REPS2: variants seen among roughly 807,000 people sequenced by gnomAD.
The protein encoded by REPS2 is RALBP1 associated Eps domain containing 2, also known as ralBP1-associated Eps domain-containing protein 2.
In REPS2, 23 loss-of-function variants were observed where a neutral mutation model predicts 53.6. The observed-to-expected ratio is 0.43, with a 90% CI of 0.31 to 0.61. The LOEUF is 0.61. REPS2 is among the 20% of genes least tolerant of loss of function. The pLI, the probability that REPS2 is intolerant of heterozygous loss-of-function variation, is 0.11. For synonymous variants in REPS2, 238 were observed against 218.6 expected (o/e 1.09, Z -0.78); for missense variants, 446 against 534.9 (o/e 0.83, Z 1.64).
At chrX:17,011,277 T>C (rs1419574780) in intron 2 of REPS2, among the ~76,000 whole-genome samples, 1 of 111,746 alleles carries the variant, frequency 8.9e-6, no homozygotes, top group African/African-American at 3.3e-5. Context: ...GAGTTGGGGT[T>C]AAACAGATGG....
chrX:16,978,328 G>A (rs924251915), intron 1 of REPS2, among the ~76,000 whole-genome samples: 6 of 111,398 alleles, frequency 5.4e-5, no homozygotes, highest in East Asian at 2.8e-4. Flanking sequence ...ATACTTTCCC[G>A]GCCATCTGGC....
chrX:17,030,795 G>T (rs1430429542), intron 5 of REPS2, among the ~76,000 whole-genome samples: 6 of 112,272 alleles, frequency 5.3e-5, no homozygotes, highest in Non-Finnish European at 1.1e-4. Flanking sequence ...TAACTAGTCA[G>T]TGACAGAGCC....
At chrX:17,083,093 T>C (rs2062479430) in intron 13 of REPS2, among the ~76,000 whole-genome samples, 1 of 98,803 alleles carries the variant, frequency 1.0e-5, no homozygotes, top group South Asian at 5.2e-4. Context: ...TTTTTTTTTT[T>C]TTTTTTTGAG....
intron 7 of REPS2, among the ~76,000 whole-genome samples, chrX:17,053,930 T>C (rs1158878860): frequency 8.9e-6 from 1 of 112,171 alleles, no homozygotes; most frequent in Non-Finnish European, 1.9e-5. Context: ...ACCTTAGAAA[T>C]ATATTTTCTT....
chrX:17,059,033 C>T lies in REPS2; in HGVS notation c.1115-3405C>T, dbSNP rs750070094. On this transcript the variant is annotated intron_variant, in intron 8 of 17. Transcript: ENST00000357277. Reference sequence around the variant, plus strand: ...TCTTTCTTTTTTTTTTTTTTTGAGACGGAGTCTTGCTCTGTTGCCCAGGCT... The same window carrying T: ...TCTTTCTTTTTTTTTTTTTTTGAGATGGAGTCTTGCTCTGTTGCCCAGGCT... Among the ~76,000 whole-genome samples the T allele has an allele frequency of 1.5e-4, 14 of 92,343 alleles. No individual in the cohort carries two copies. The East Asian group carries it at 3.4e-3, about 22-fold the overall frequency. 80.2% of individuals were successfully genotyped at this position (92,343 alleles called of 115,157 possible).
At chrX:17,131,866 C>T (rs1419037595) in intron 14 of REPS2, among the ~76,000 whole-genome samples, 2 of 108,937 alleles carry the variant, frequency 1.8e-5, no homozygotes, top group African/African-American at 6.7e-5. Context: ...CGACCACAGT[C>T]CCCCTTCCTT....
At chrX:17,131,778 A>G (rs1487543676) in intron 14 of REPS2, among the ~76,000 whole-genome samples, 2 of 110,664 alleles carry the variant, frequency 1.8e-5, no homozygotes, top group Non-Finnish European at 3.8e-5. Context: ...TGCTTTGGGG[A>G]CATTCCTTGC....
chrX:17,135,116 G>T, intron 15 of REPS2, 145 bp from the exon 16 acceptor site: 1 of 522,695 alleles, frequency 1.9e-6, no homozygotes, highest in Non-Finnish European at 3.1e-6. Flanking sequence ...TGTCCCCCCA[G>T]TTCTTGCTGA....
At position 17,149,008 on chromosome X, in the gene REPS2, G is replaced by A. The variant is rs1053834223; in HGVS notation, c.*1527G>A. ...AGTCCATTGGCAAGCTTTATCAATA[G>A]CTTAATGGCAGAGGATAAAGGCTCA... On this transcript the variant is annotated 3_prime_UTR_variant, in exon 18 of 18. Coordinates refer to ENST00000357277, the MANE Select transcript of REPS2 (RefSeq NM_004726.3). 3 of 372,385 alleles carry A rather than the reference G, an allele frequency of 8.1e-6. No homozygotes were observed. Among genetic ancestry groups the A allele is most frequent in the Non-Finnish European group, 1.6e-5 (3 of 191,926 alleles). 30.7% of individuals were successfully genotyped at this position (372,385 alleles called of 1,213,427 possible). A position where few individuals can be genotyped will look rare whatever the true frequency, so the allele number is the denominator to read the frequency against.
Position 17,149,133 on chromosome X carries a change from A to G in REPS2, c.*1652A>G, listed in dbSNP as rs1217674874. ...TTTTGAAAATCATGAAACTTGAACTATTTTTCTATTCCCTTTTTTTCTTCC... is the reference window on the plus strand; with the variant it reads ...TTTTGAAAATCATGAAACTTGAACTGTTTTTCTATTCCCTTTTTTTCTTCC... On this transcript the variant is annotated 3_prime_UTR_variant, in exon 18 of 18. Transcript: ENST00000357277. 1 of 244,090 alleles carries G rather than the reference A, an allele frequency of 4.1e-6. No homozygotes were observed. Among genetic ancestry groups the G allele is most frequent in the Non-Finnish European group, 7.7e-6 (1 of 130,294 alleles). 20.1% of individuals were successfully genotyped at this position (244,090 alleles called of 1,213,427 possible). A position where few individuals can be genotyped will look rare whatever the true frequency, so the allele number is the denominator to read the frequency against.
intron 8 of REPS2, among the ~76,000 whole-genome samples, chrX:17,061,402 A>G (rs987529293): frequency 8.9e-6 from 1 of 112,152 alleles, no homozygotes; most frequent in Non-Finnish European, 1.9e-5. Context: ...GGCCTCCCAA[A>G]GTGCTGTCAT....
intron 15 of REPS2, among the ~76,000 whole-genome samples, chrX:17,134,725 G>A (rs982480181): frequency 1.8e-5 from 2 of 110,304 alleles, no homozygotes; most frequent in Non-Finnish European, 3.8e-5. Flanking sequence ...CCAGGTTCAC[G>A]CCATTCTCCT....
chrX:16,998,307 A>G (rs2061257351), intron 1 of REPS2, among the ~76,000 whole-genome samples: 1 of 111,554 alleles, frequency 9.0e-6, no homozygotes, highest in Non-Finnish European at 1.9e-5. Context: ...ACAATAACCA[A>G]TAAACTCTTT....
At chrX:17,100,144 C>G (rs1337749523) in intron 13 of REPS2, 1 of 707,958 alleles carries the variant, frequency 1.4e-6, no homozygotes, top group Non-Finnish European at 2.3e-6. Context: ...CAGGGCAATC[C>G]AAGTTCTCTT....
At chrX:17,014,354 T>G (rs1303782059) in intron 2 of REPS2, among the ~76,000 whole-genome samples, 2 of 111,708 alleles carry the variant, frequency 1.8e-5, no homozygotes, top group Non-Finnish European at 3.8e-5. Context: ...GAAATTGAAC[T>G]TATCCACCAT....
At chrX:17,034,647 T>C (rs2061745436) in intron 5 of REPS2, among the ~76,000 whole-genome samples, 1 of 112,286 alleles carries the variant, frequency 8.9e-6, no homozygotes, top group African/African-American at 3.2e-5. Flanking sequence ...GAAAAAATTA[T>C]CTTTTATTTA....
chrX:17,167,951 G>A, the REPS2 span, among the ~76,000 whole-genome samples: 1 of 111,221 alleles, frequency 9.0e-6, no homozygotes, highest in African/African-American at 3.3e-5. Context: ...GGATCTCTGA[G>A]GAGGAAGAAT....
chrX:17,144,069 C>G (rs1447005152), intron 17 of REPS2, among the ~76,000 whole-genome samples: 1 of 112,596 alleles, frequency 8.9e-6, no homozygotes, highest in Non-Finnish European at 1.9e-5. Flanking sequence ...TTGGGGAACC[C>G]CCAAAGGGAG....
intron 13 of REPS2, among the ~76,000 whole-genome samples, chrX:17,078,050 T>C (rs991831220): frequency 8.9e-6 from 1 of 112,207 alleles, no homozygotes; most frequent in African/African-American, 3.2e-5. Flanking sequence ...TCCCTTGGCT[T>C]CCTGTGAAGT....
Sources: allele counts gnomAD v4.1 joint callset (sites outside exome capture counted in the v4.1 genomes callset), GRCh38; gene constraint gnomAD v4.1.1; transcripts MANE v1.5; gene names NCBI Gene and HGNC (gene_info 2026-07-23, HGNC 2026-07-21).